Variants in CSMD1 observed in about 807,000 individuals in gnomAD.
The protein encoded by CSMD1 is CUB and sushi domain-containing protein 1.
CSMD1 carries 213 observed loss-of-function variants against 417.5 expected under a neutral mutation model. That is an observed-to-expected ratio of 0.51 (90% CI 0.46 to 0.57). The LOEUF is 0.57. CSMD1 is among the 20% of genes least tolerant of loss of function. The pLI is 0.00. For synonymous variants in CSMD1, 2,862 were observed against 1,736.8 expected (o/e 1.65, Z -16.11); for missense variants, 6,923 against 4,529.7 (o/e 1.53, Z -15.17).
At chr8:4,050,020 G>A (rs924699980) in intron 3 of CSMD1, among the ~76,000 whole-genome samples, 1 of 152,152 alleles carries the variant, frequency 6.6e-6, no homozygotes, top group Non-Finnish European at 1.5e-5. Flanking sequence ...ATGGTTTTCA[G>A]AAGTTGCGGC....
chr8:3,575,451 C>T (rs572290387), intron 9 of CSMD1, among the ~76,000 whole-genome samples: 5 of 152,206 alleles, frequency 3.3e-5, no homozygotes, highest in South Asian at 2.1e-4. Flanking sequence ...TAATTGTGTG[C>T]GACTGCAGTA....
chr8:4,287,776 G>A (rs1189575442), intron 3 of CSMD1, among the ~76,000 whole-genome samples: 4 of 151,726 alleles, frequency 2.6e-5, no homozygotes, highest in African/African-American at 4.8e-5. Context: ...TCGGTTGAGC[G>A]AGTTGGACTC....
At chr8:4,404,880 CATTT>C (rs1403214316) in intron 3 of CSMD1, among the ~76,000 whole-genome samples, 14 of 152,236 alleles carry the variant, frequency 9.2e-5, no homozygotes, top group African/African-American at 2.9e-4. Flanking sequence ...ATGCACTTCA[CATTT>C]ATTTCGCTCA....
intron 11 of CSMD1, among the ~76,000 whole-genome samples, chr8:3,485,039 A>G (rs909276120): frequency 6.6e-6 from 1 of 152,162 alleles, no homozygotes; most frequent in Non-Finnish European, 1.5e-5. Context: ...CCAACATACA[A>G]CTCAAGCAAT....
chr8:3,559,973 T>A (rs1350958990), intron 10 of CSMD1, among the ~76,000 whole-genome samples: 2 of 152,002 alleles, frequency 1.3e-5, no homozygotes, highest in East Asian at 3.9e-4. Context: ...GGAATGAAGG[T>A]GGGTTTTCTG....
intron 54 of CSMD1, among the ~76,000 whole-genome samples, chr8:2,988,037 T>C (rs571267671): frequency 3.2e-4 from 49 of 152,302 alleles, no homozygotes; most frequent in African/African-American, 1.2e-3. Context: ...CTAAAACCTA[T>C]TTTCCCCAGT....
At chr8:4,172,118 G>C (rs543171440) in intron 3 of CSMD1, among the ~76,000 whole-genome samples, 1 of 152,152 alleles carries the variant, frequency 6.6e-6, no homozygotes. Flanking sequence ...GATCATTTCA[G>C]TAGGTGCATG....
intron 3 of CSMD1, among the ~76,000 whole-genome samples, chr8:4,109,053 T>C (rs1801717762): frequency 6.6e-6 from 1 of 152,350 alleles, no homozygotes; most frequent in East Asian, 1.9e-4. Context: ...GTCCGTCATA[T>C]AAAATGGCAT....
chr8:3,600,375 C>T (rs536379389), intron 8 of CSMD1, among the ~76,000 whole-genome samples: 1 of 152,226 alleles, frequency 6.6e-6, no homozygotes, highest in South Asian at 2.1e-4. Flanking sequence ...GATAAACCAT[C>T]TAACTAGCTA....
chr8:4,129,271 G>C (rs774692887), intron 3 of CSMD1, among the ~76,000 whole-genome samples: 1 of 152,028 alleles, frequency 6.6e-6, no homozygotes, highest in Non-Finnish European at 1.5e-5. Context: ...CTTCAGATCT[G>C]CTGTCAACAA....
At chr8:4,383,873 A>C (rs569499121) in intron 3 of CSMD1, among the ~76,000 whole-genome samples, 1 of 152,342 alleles carries the variant, frequency 6.6e-6, no homozygotes, top group African/African-American at 2.4e-5. Flanking sequence ...TTAAAGAAGA[A>C]AATATCTTAA....
intron 3 of CSMD1, among the ~76,000 whole-genome samples, chr8:4,294,528 G>A (rs1797558139): frequency 6.6e-6 from 1 of 152,240 alleles, no homozygotes; most frequent in Non-Finnish European, 1.5e-5. Context: ...CCACTTTGCA[G>A]ATGAGCAAAC....
intron 2 of CSMD1, among the ~76,000 whole-genome samples, chr8:4,503,792 A>AT (rs1231786069): frequency 1.3e-5 from 2 of 152,120 alleles, no homozygotes; most frequent in Non-Finnish European, 2.9e-5. Flanking sequence ...CACTGTGACA[A>AT]TGTGAATTAT....
At chr8:3,872,551 C>T (rs1305903323) in intron 5 of CSMD1, among the ~76,000 whole-genome samples, 1 of 152,200 alleles carries the variant, frequency 6.6e-6, no homozygotes, top group African/African-American at 2.4e-5. Context: ...ATCTCAAGAA[C>T]TGAGGTTGTC....
intron 41 of CSMD1, chr8:3,128,875 A>C (rs1298728022): frequency 2.2e-6 from 1 of 455,608 alleles, no homozygotes; most frequent in Non-Finnish European, 4.4e-6. Context: ...GACATGGGAA[A>C]GCAGGACCAA....
intron 2 of CSMD1, among the ~76,000 whole-genome samples, chr8:4,523,310 G>A (rs78468854): frequency 0.064 from 9,682 of 152,106 alleles, 386 homozygotes; most frequent in Middle Eastern, 0.082. Flanking sequence ...TTGCAGTTCT[G>A]AAACTGTATA....
At chr8:3,282,715 A>G (rs1802832261) in intron 26 of CSMD1, among the ~76,000 whole-genome samples, 1 of 152,216 alleles carries the variant, frequency 6.6e-6, no homozygotes, top group African/African-American at 2.4e-5. Context: ...TTCAGAGCAC[A>G]GTGAAACCAG....
intron 3 of CSMD1, among the ~76,000 whole-genome samples, chr8:4,181,383 C>T (rs1046003262): frequency 4.0e-5 from 6 of 150,570 alleles, no homozygotes. Flanking sequence ...TTTTTGAATG[C>T]TTAAACTATA....
At chr8:4,465,580 G>A (rs1251512618) in intron 2 of CSMD1, among the ~76,000 whole-genome samples, 3 of 152,134 alleles carry the variant, frequency 2.0e-5, no homozygotes, top group Non-Finnish European at 4.4e-5. Flanking sequence ...CTGTTTTTCA[G>A]CAGGCCACTT....
Sources: gnomAD v4.1 joint callset for allele counts (sites outside exome capture counted in the v4.1 genomes callset) on GRCh38, gnomAD v4.1.1 for gene constraint, MANE v1.5 for transcripts, NCBI Gene and HGNC (gene_info 2026-07-23, HGNC 2026-07-21) for gene names.